Variants in RIMKLB observed in about 807,000 individuals in gnomAD.
The protein encoded by RIMKLB is beta-citrylglutamate synthase B.
Under a neutral mutation model 32.0 loss-of-function variants are expected in RIMKLB, and 7 were observed. The observed-to-expected ratio is 0.22, with a 90% confidence interval of 0.12 to 0.41. The LOEUF is 0.41. Among genes scored for constraint, RIMKLB ranks in the 10% least tolerant of loss-of-function variants. RIMKLB has a pLI of 1.00. For synonymous variants in RIMKLB, 172 were observed against 185.1 expected (o/e 0.93, Z 0.57); for missense variants, 289 against 498.7 (o/e 0.58, Z 4.00).
upstream of RIMKLB, chr12:8,679,452 A>C (rs1277293681): frequency 6.5e-6 from 1 of 153,206 alleles, no homozygotes; most frequent in Non-Finnish European, 1.5e-5. Flanking sequence ...GGGCCTCCCA[A>C]AGTGCTGGGA....
intron 1 of RIMKLB, among the ~76,000 whole-genome samples, chr12:8,682,745 C>G (rs1324443895): frequency 7.0e-6 from 1 of 141,848 alleles, no homozygotes; most frequent in African/African-American, 2.6e-5. Context: ...GCAGCCCCGC[C>G]GGGGGGGAGG....
At chr12:8,754,563 T>C (rs1471403841) in intron 5 of RIMKLB, among the ~76,000 whole-genome samples, 1 of 152,218 alleles carries the variant, frequency 6.6e-6, no homozygotes, top group African/African-American at 2.4e-5. Flanking sequence ...TCCTCTTCTC[T>C]GTTTATATCA....
chr12:8,699,696 T>G (rs1943214865), intron 1 of RIMKLB: 1 of 152,238 alleles, frequency 6.6e-6, no homozygotes, highest in Admixed American at 6.5e-5. Context: ...GTCATTGATT[T>G]AGTTGTTAGT....
At chr12:8,770,814 C>A (rs1350075302) in intron 5 of RIMKLB, among the ~76,000 whole-genome samples, 2 of 152,194 alleles carry the variant, frequency 1.3e-5, no homozygotes, top group African/African-American at 2.4e-5. Context: ...ACCTCACCCC[C>A]TTCAGACACC....
intron 2 of RIMKLB, among the ~76,000 whole-genome samples, chr12:8,733,564 AAG>A (rs952649321): frequency 5.3e-5 from 8 of 152,200 alleles, no homozygotes; most frequent in African/African-American, 1.7e-4. Context: ...ATGTGAAGAA[AAG>A]AGTTTGTTAA....
chr12:8,725,213 T>C (rs1945863468), intron 2 of RIMKLB, among the ~76,000 whole-genome samples: 1 of 152,210 alleles, frequency 6.6e-6, no homozygotes, highest in South Asian at 2.1e-4. Flanking sequence ...GAAAACTCCA[T>C]GTGTAGACTG....
At chr12:8,705,717 G>A (rs1943815279) in intron 1 of RIMKLB, among the ~76,000 whole-genome samples, 1 of 152,102 alleles carries the variant, frequency 6.6e-6, no homozygotes, top group Non-Finnish European at 1.5e-5. Context: ...TATGATTGCG[G>A]AGTTGCTAAG....
chr12:8,762,423 G>A (rs768038026), intron 5 of RIMKLB, among the ~76,000 whole-genome samples: 24 of 151,970 alleles, frequency 1.6e-4, no homozygotes, highest in Admixed American at 7.2e-4. Context: ...CTAATGGAGG[G>A]TCCTGCCTTG....
intron 5 of RIMKLB, among the ~76,000 whole-genome samples, chr12:8,767,055 C>CA (rs145979371): frequency 0.033 from 4,964 of 152,346 alleles, 110 homozygotes; most frequent in Non-Finnish European, 0.049. Context: ...TCAGTGGTCT[C>CA]AGTGTTTTCG....
chr12:8,773,333 T>A lies in RIMKLB; in HGVS notation c.710T>A (p.Met237Lys). 1 of 1,610,756 alleles carries A rather than the reference T, an allele frequency of 6.2e-7. No individual in the cohort carries two copies. Among genetic ancestry groups the A allele is most frequent in the South Asian group, 1.1e-5 (1 of 91,028 alleles). ...QSNCSLGGVGMMCSLSEQGKQ... is the reference protein window; with the variant it reads ...QSNCSLGGVGKMCSLSEQGKQ... ...TTTCTTTTGCCAGGTGGTGTGGGGA[T>A]GATGTGCTCATTGAGTGAACAAGGG... The change falls in exon 6 of 6, where the codon ATG becomes AAG. Residue 237 changes from methionine (M) to lysine (K), a missense_variant. Physicochemically the swap from Met to Lys is moderately conservative, Grantham distance 95 (BLOSUM62 -1). Coordinates refer to ENST00000535829, the MANE Select transcript of RIMKLB (RefSeq NM_001297776.2).
chr12:8,686,500 G>T (rs1942577766), intron 1 of RIMKLB, among the ~76,000 whole-genome samples: 1 of 149,386 alleles, frequency 6.7e-6, no homozygotes, highest in Non-Finnish European at 1.5e-5. Context: ...TCGTTTTTGA[G>T]ACGGAGTCTC....
rs755312797 is a variant in RIMKLB, at chr12:8,774,781, A to T, written c.*997A>T. ...ACAAGGAAAAATATTTTTGGGGGCAAATCAAGAGCCTATGAGTTCTAAGTA... is the reference window on the plus strand; with the variant it reads ...ACAAGGAAAAATATTTTTGGGGGCATATCAAGAGCCTATGAGTTCTAAGTA... On this transcript the variant is annotated 3_prime_UTR_variant, in exon 6 of 6. Coordinates refer to ENST00000535829, the MANE Select transcript of RIMKLB (RefSeq NM_001297776.2). 1 of 985,722 alleles carries T rather than the reference A, an allele frequency of 1.0e-6. No homozygotes were observed. The highest frequency in any genetic ancestry group is 1.7e-5 in the African/African-American group (1 of 57,364). The allele number at this position is 985,722 out of a possible 1,614,324, so 61.1% of individuals were successfully genotyped here. A position where few individuals can be genotyped will look rare whatever the true frequency, so the allele number is the denominator to read the frequency against.
At chr12:8,688,965 G>C (rs1942658537) in intron 1 of RIMKLB, among the ~76,000 whole-genome samples, 2 of 152,012 alleles carry the variant, frequency 1.3e-5, no homozygotes, top group Non-Finnish European at 2.9e-5. Flanking sequence ...CTCCCAAGTA[G>C]CTGGGATTAC....
chr12:8,746,446 C>T (rs1225007412), intron 2 of RIMKLB, among the ~76,000 whole-genome samples: 5 of 151,180 alleles, frequency 3.3e-5, no homozygotes, highest in Non-Finnish European at 4.4e-5. Context: ...AAAATACAAA[C>T]AAGTAGCCGG....
At chr12:8,690,085 T>C (rs1371078347) in intron 1 of RIMKLB, among the ~76,000 whole-genome samples, 1 of 152,176 alleles carries the variant, frequency 6.6e-6, no homozygotes. Context: ...AGCATGTCAG[T>C]GGGTCCCTTT....
At position 8,776,360 on chromosome 12, in the gene RIMKLB, TAAGAGCA is replaced by T; in HGVS notation, c.*2579_*2585del. 1.0e-6 allele frequency: 1 copy of T among 983,598 alleles called. No individual in the cohort carries two copies. The highest frequency in any genetic ancestry group is 1.2e-6 in the Non-Finnish European group (1 of 828,254). The allele number at this position is 983,598 out of a possible 1,614,324, so 60.9% of individuals were successfully genotyped here. A position where few individuals can be genotyped will look rare whatever the true frequency, so the allele number is the denominator to read the frequency against. ...ATTCCTTCAAGATTGAGGTAGAGAA[TAAGAGCA>T]AATCATTCTGGAAGTACCTTAAGGA... On this transcript the variant is annotated 3_prime_UTR_variant, in exon 6 of 6. Coordinates refer to ENST00000535829, the MANE Select transcript of RIMKLB (RefSeq NM_001297776.2).
chr12:8,782,589 A>T (rs1048553501), intron 7 of RIMKLB, among the ~76,000 whole-genome samples: 2 of 152,150 alleles, frequency 1.3e-5, no homozygotes, highest in Admixed American at 1.3e-4. Flanking sequence ...CCAGGGAGTT[A>T]GAATAGTTTT....
At chr12:8,706,703 C>A (rs1298183691) in intron 1 of RIMKLB, among the ~76,000 whole-genome samples, 1 of 152,088 alleles carries the variant, frequency 6.6e-6, no homozygotes, top group African/African-American at 2.4e-5. Flanking sequence ...TCCCGCCCAC[C>A]TCAGCCCTCC....
intron 5 of RIMKLB, among the ~76,000 whole-genome samples, chr12:8,760,018 C>T (rs1030539955): frequency 1.2e-4 from 18 of 152,252 alleles, no homozygotes; most frequent in South Asian, 2.1e-4. Context: ...CATATGCATA[C>T]GTGTGCCATG....
Sources: allele counts gnomAD v4.1 joint callset (sites outside exome capture counted in the v4.1 genomes callset), GRCh38; gene constraint gnomAD v4.1.1; transcripts MANE v1.5; gene names NCBI Gene and HGNC (gene_info 2026-07-23, HGNC 2026-07-21).